FSD1L: variants seen among roughly 807,000 people sequenced by gnomAD.
FSD1L encodes the protein FSD1-like protein.
FSD1L carries 45 observed loss-of-function variants against 71.6 expected under a neutral mutation model. The ratio of observed to expected loss-of-function variants is 0.63; its 90% CI spans 0.49 to 0.81. FSD1L has a LOEUF of 0.81. Among genes scored for constraint, FSD1L ranks in the 30% least tolerant of loss-of-function variants. The pLI is 0.00. For synonymous variants in FSD1L, 197 were observed against 207.2 expected (o/e 0.95, Z 0.42); for missense variants, 561 against 618.1 (o/e 0.91, Z 0.98).
At chr9:105,452,081 T>G (rs980588169) in intron 1 of FSD1L, among the ~76,000 whole-genome samples, 2 of 152,076 alleles carry the variant, frequency 1.3e-5, no homozygotes, top group African/African-American at 4.8e-5. Flanking sequence ...AAAACTAGAT[T>G]GGGGAGATTG....
chr9:105,490,337 C>A (rs1164309606), intron 7 of FSD1L, among the ~76,000 whole-genome samples: 3 of 152,108 alleles, frequency 2.0e-5, no homozygotes, highest in Non-Finnish European at 2.9e-5. Context: ...CCTTCGCCCA[C>A]TTTTTGATGG....
At chr9:105,457,879 C>T (rs957412925) in intron 1 of FSD1L, among the ~76,000 whole-genome samples, 2 of 152,210 alleles carry the variant, frequency 1.3e-5, no homozygotes, top group African/African-American at 2.4e-5. Flanking sequence ...TGGCTCCATG[C>T]GAGGCTGCAG....
chr9:105,494,701 G>C (rs1383403616), intron 7 of FSD1L, among the ~76,000 whole-genome samples: 1 of 152,120 alleles, frequency 6.6e-6, no homozygotes, highest in Non-Finnish European at 1.5e-5. Flanking sequence ...CTTTCTGCTT[G>C]TTAGTTTTCC....
intron 10 of FSD1L, chr9:105,524,705 T>C: frequency 6.2e-7 from 1 of 1,613,968 alleles, no homozygotes; most frequent in Non-Finnish European, 8.5e-7. Context: ...CAGAACGATC[T>C]TCTAAACTCC....
intron 10 of FSD1L, chr9:105,521,994 C>G: frequency 6.2e-7 from 1 of 1,613,248 alleles, no homozygotes; most frequent in Non-Finnish European, 8.5e-7. Context: ...GACTTGGGAA[C>G]ACATGCTGCT....
chr9:105,447,495 C>A (rs1462388632), upstream of FSD1L, among the ~76,000 whole-genome samples: 4 of 152,022 alleles, frequency 2.6e-5, no homozygotes, highest in Admixed American at 6.5e-5. Context: ...ATACAGGTAG[C>A]GAGGTGCCGG....
At chr9:105,534,637 C>A in intron 11 of FSD1L, 44 bp downstream of exon 11, 1 of 1,106,764 alleles carries the variant, frequency 9.0e-7, no homozygotes, top group Admixed American at 2.2e-5. Context: ...AGATTAAAGG[C>A]ATCACAATCA....
intron 10 of FSD1L, among the ~76,000 whole-genome samples, chr9:105,531,935 G>GT (rs1236108457): frequency 2.6e-5 from 4 of 152,092 alleles, no homozygotes; most frequent in African/African-American, 9.7e-5. Context: ...CTAAAACATT[G>GT]TTTTTTCACA....
At chr9:105,531,654 G>A (rs1192494784) in intron 10 of FSD1L, among the ~76,000 whole-genome samples, 1 of 152,194 alleles carries the variant, frequency 6.6e-6, no homozygotes, top group East Asian at 1.9e-4. Context: ...CTTGGGTGGA[G>A]GAAGATTAAT....
intron 7 of FSD1L, among the ~76,000 whole-genome samples, chr9:105,501,766 A>C (rs2131339735): frequency 6.6e-6 from 1 of 152,160 alleles, no homozygotes; most frequent in East Asian, 1.9e-4. Context: ...TGTTCTTCTT[A>C]TTGGTCATAC....
upstream of FSD1L, among the ~76,000 whole-genome samples, chr9:105,446,866 T>C (rs1423236666): frequency 6.6e-6 from 1 of 151,944 alleles, no homozygotes; most frequent in Non-Finnish European, 1.5e-5. Context: ...AATGACTGTC[T>C]AATTGAACTT....
intron 9 of FSD1L, among the ~76,000 whole-genome samples, chr9:105,509,014 G>A (rs1834239963): frequency 6.6e-6 from 1 of 152,172 alleles, no homozygotes. Context: ...GTATCACTGA[G>A]ATTTGCCCAG....
chr9:105,485,473 T>G (rs1260688727), intron 7 of FSD1L, among the ~76,000 whole-genome samples: 3 of 151,110 alleles, frequency 2.0e-5, no homozygotes, highest in Non-Finnish European at 4.4e-5. Flanking sequence ...GTGACCAAAC[T>G]TCAACATGAG....
At chr9:105,518,356 A>G (rs1159841458) in intron 10 of FSD1L, among the ~76,000 whole-genome samples, 4 of 152,232 alleles carry the variant, frequency 2.6e-5, no homozygotes, top group Non-Finnish European at 4.4e-5. Context: ...AACAGAATAT[A>G]CATTCTTCTC....
intron 7 of FSD1L, among the ~76,000 whole-genome samples, chr9:105,494,612 T>C (rs1450740772): frequency 6.6e-6 from 1 of 152,214 alleles, no homozygotes; most frequent in African/African-American, 2.4e-5. Flanking sequence ...CTGTTCTGTT[T>C]TTTCCCCATC....
chr9:105,534,608 A>AATT lies in FSD1L; in HGVS notation c.1126+16_1126+18dup. ...CACAGTGCTGGGTAGGACAAAACAT[A>AATT]ATTGTTTTTCATTATCTCAGATTAA... On this transcript the variant is annotated intron_variant, in intron 11 of 13. Coordinates refer to ENST00000481272, the MANE Select transcript of FSD1L (RefSeq NM_001145313.3). 1 of 1,411,496 alleles carries AATT rather than the reference A, an allele frequency of 7.1e-7. No homozygotes were observed. The highest frequency in any genetic ancestry group is 9.7e-7 in the Non-Finnish European group (1 of 1,027,480). The allele number at this position is 1,411,496 out of a possible 1,614,324, so 87.4% of individuals were successfully genotyped here.
At chr9:105,544,492 G>A (rs1372561274) in intron 13 of FSD1L, among the ~76,000 whole-genome samples, 2 of 152,180 alleles carry the variant, frequency 1.3e-5, no homozygotes, top group Non-Finnish European at 2.9e-5. Flanking sequence ...CAGACATGAA[G>A]TCCTTGCCCA....
intron 7 of FSD1L, among the ~76,000 whole-genome samples, chr9:105,494,945 G>C (rs925611149): frequency 6.6e-6 from 1 of 152,202 alleles, no homozygotes. Context: ...CTGCTCGGGG[G>C]TCAGGGGTCA....
chr9:105,461,587 TTGG>T lies in FSD1L; in HGVS notation c.84_86del (p.Gly29del). The stretch of plus-strand genomic sequence containing the variant: ...TGTTTTCTGATCTCTAACATCACTA[TTGG>T]ACCAGAGTCTATTAACTTGCAGCAG... On this transcript the variant is annotated inframe_deletion, in exon 2 of 14. Coordinates refer to ENST00000481272, the MANE Select transcript of FSD1L (RefSeq NM_001145313.3). The T allele has an allele frequency of 6.4e-7, 1 of 1,551,532 alleles. No homozygotes were observed. Among genetic ancestry groups the T allele is most frequent in the South Asian group, 1.2e-5 (1 of 84,046 alleles).
Sources: gnomAD v4.1 joint callset for allele counts (sites outside exome capture counted in the v4.1 genomes callset) on GRCh38, gnomAD v4.1.1 for gene constraint, MANE v1.5 for transcripts, NCBI Gene and HGNC (gene_info 2026-07-23, HGNC 2026-07-21) for gene names.